The following PTPRD variants were observed in gnomAD, a reference collection of about 807,000 sequenced individuals.
PTPRD encodes receptor-type tyrosine-protein phosphatase delta.
A neutral mutation model predicts 214.5 loss-of-function variants in PTPRD; 34 were observed. The ratio of observed to expected loss-of-function variants is 0.16; its 90% CI spans 0.12 to 0.21. PTPRD has a LOEUF of 0.21. Among genes scored for constraint, PTPRD ranks in the 10% least tolerant of loss-of-function variants. The pLI is 1.00. For synonymous variants in PTPRD, 1,128 were observed against 845.7 expected, an observed-to-expected ratio of 1.33 and a Z score of -5.79; for missense variants, 2,545 against 2,398.7, an observed-to-expected ratio of 1.06 and a Z score of -1.27.
intron 8 of PTPRD, among the ~76,000 whole-genome samples, chr9:9,539,533 G>T (rs996930670): frequency 6.6e-6 from 1 of 151,858 alleles, no homozygotes; most frequent in Non-Finnish European, 1.5e-5. Flanking sequence ...GTTAGGCTTT[G>T]ATTATTCCTT....
rs373521015 is a variant in PTPRD at position 8,331,605 on chromosome 9, A to C, written c.5511T>G (p.Asp1837Glu). 1.4e-6 allele frequency: 2 copies of C among 1,453,592 alleles called. No individual in the cohort carries two copies. Among genetic ancestry groups the C allele is most frequent in the Non-Finnish European group, 1.8e-6 (2 of 1,101,262 alleles). The allele number at this position is 1,453,592 out of a possible 1,614,324, so 90.0% of individuals were successfully genotyped here. ...ACCTGCAATGGACTGAAATGGGTCCATCTTGGCCAAACTGTTCTTTTGTTT... is the reference window on the plus strand; with the variant it reads ...ACCTGCAATGGACTGAAATGGGTCCCTCTTGGCCAAACTGTTCTTTTGTTT... ...VHKTKEQFGQ[D>E]GPISVHCSAG... The change falls in exon 44 of 46, where the codon GAT (aspartate) becomes GAG (glutamate). Residue 1837 changes from aspartate to glutamate, a missense_variant. Coordinates refer to ENST00000381196, the MANE Select transcript of PTPRD (RefSeq NM_002839.4).
chr9:10,410,266 T>C (rs1423189412), intron 2 of PTPRD, among the ~76,000 whole-genome samples: 3 of 136,140 alleles, frequency 2.2e-5, no homozygotes, highest in Non-Finnish European at 4.7e-5. Context: ...TATATATATA[T>C]ATATACACAC....
chr9:10,152,822 C>A (rs532487411), intron 3 of PTPRD, among the ~76,000 whole-genome samples: 2 of 152,122 alleles, frequency 1.3e-5, no homozygotes, highest in East Asian at 1.9e-4. Flanking sequence ...TGAACTCCCC[C>A]CCTACCCTCC....
chr9:8,938,725 T>G (rs773092744), intron 11 of PTPRD, among the ~76,000 whole-genome samples: 27 of 151,408 alleles, frequency 1.8e-4, no homozygotes, highest in Non-Finnish European at 3.5e-4. Context: ...AAAAAAAAAG[T>G]CAGTACCATT....
chr9:10,377,047 C>T (rs2097744344), intron 2 of PTPRD, among the ~76,000 whole-genome samples: 1 of 151,870 alleles, frequency 6.6e-6, no homozygotes, highest in Non-Finnish European at 1.5e-5. Context: ...CCCTTCCACC[C>T]ACCCTCTATT....
At chr9:9,164,463 G>A (rs4237172) in intron 10 of PTPRD, among the ~76,000 whole-genome samples, 98,292 of 151,724 alleles carry the variant, frequency 0.65, 32,812 homozygotes, top group Non-Finnish European at 0.75. Context: ...ACTTAATCAC[G>A]TCTGCAAAAA....
chr9:10,143,662 C>T (rs904141603), intron 3 of PTPRD, among the ~76,000 whole-genome samples: 1 of 152,064 alleles, frequency 6.6e-6, no homozygotes, highest in African/African-American at 2.4e-5. Context: ...ACTCAGGTGT[C>T]CATCAACAGT....
intron 34 of PTPRD, chr9:8,438,702 T>A (rs1490371773): frequency 1.3e-5 from 2 of 152,156 alleles, no homozygotes; most frequent in Admixed American, 6.6e-5. Flanking sequence ...TGTTTAGACC[T>A]TTTCGAGCGG....
At chr9:10,391,502 T>G (rs2098065055) in intron 2 of PTPRD, among the ~76,000 whole-genome samples, 1 of 151,794 alleles carries the variant, frequency 6.6e-6, no homozygotes, top group South Asian at 2.1e-4. Context: ...AGTTCCTGTC[T>G]GTTAGAAGCT....
chr9:9,669,713 A>G (rs189249609), intron 7 of PTPRD, among the ~76,000 whole-genome samples: 192 of 152,256 alleles, frequency 1.3e-3, no homozygotes, highest in Non-Finnish European at 2.4e-3. Flanking sequence ...AGTTTGAATA[A>G]CTTCATTGTT....
intron 5 of PTPRD, among the ~76,000 whole-genome samples, chr9:9,811,115 A>G (rs1292153921): frequency 1.3e-5 from 2 of 152,010 alleles, no homozygotes; most frequent in African/African-American, 2.4e-5. Context: ...GTGCACACCT[A>G]TAATTCCAGC....
At chr9:8,535,715 G>C (rs1397040574) in intron 14 of PTPRD, among the ~76,000 whole-genome samples, 3 of 151,776 alleles carry the variant, frequency 2.0e-5, no homozygotes, top group African/African-American at 7.2e-5. Flanking sequence ...CAAGAAGTCA[G>C]AGTTTTGTTT....
At chr9:10,316,194 TAG>T (rs2096425282) in intron 3 of PTPRD, among the ~76,000 whole-genome samples, 1 of 146,852 alleles carries the variant, frequency 6.8e-6, no homozygotes, top group South Asian at 2.1e-4. Flanking sequence ...TACATATATA[TAG>T]ACACACACAC....
At chr9:9,622,447 A>G (rs1416586936) in intron 7 of PTPRD, among the ~76,000 whole-genome samples, 1 of 152,300 alleles carries the variant, frequency 6.6e-6, no homozygotes, top group East Asian at 1.9e-4. Flanking sequence ...TATTATTTTT[A>G]TCATTTACGT....
At chr9:10,171,421 G>T (rs2099204947) in intron 3 of PTPRD, among the ~76,000 whole-genome samples, 1 of 152,064 alleles carries the variant, frequency 6.6e-6, no homozygotes, top group Admixed American at 6.6e-5. Flanking sequence ...CATGTAGGAA[G>T]TTCCTTTCAC....
chr9:9,753,925 G>A (rs904760427), intron 6 of PTPRD, among the ~76,000 whole-genome samples: 1 of 151,818 alleles, frequency 6.6e-6, no homozygotes, highest in African/African-American at 2.4e-5. Flanking sequence ...AAGAAAACTC[G>A]GATTTCCTCA....
At chr9:8,599,029 G>C (rs1416977408) in intron 14 of PTPRD, among the ~76,000 whole-genome samples, 1 of 152,098 alleles carries the variant, frequency 6.6e-6, no homozygotes, top group Non-Finnish European at 1.5e-5. Flanking sequence ...AACGTGTCCT[G>C]GGAAGGACCC....
intron 2 of PTPRD, among the ~76,000 whole-genome samples, chr9:10,379,105 C>CT (rs2097776305): frequency 6.6e-6 from 1 of 151,350 alleles, no homozygotes; most frequent in African/African-American, 2.4e-5. Flanking sequence ...TTTTAAATTT[C>CT]TTTTTTCAGA....
chr9:9,443,198 T>C (rs1165817176), intron 8 of PTPRD, among the ~76,000 whole-genome samples: 2 of 152,100 alleles, frequency 1.3e-5, no homozygotes, highest in Admixed American at 6.5e-5. Flanking sequence ...TAAAACATAA[T>C]GGAAGTATTA....
Sources: gnomAD v4.1 joint callset for allele counts (sites outside exome capture counted in the v4.1 genomes callset) on GRCh38, gnomAD v4.1.1 for gene constraint, MANE v1.5 for transcripts, NCBI Gene and HGNC (gene_info 2026-07-23, HGNC 2026-07-21) for gene names.